ENTPD3: variants seen among roughly 807,000 people sequenced by gnomAD.
ENTPD3 encodes ectonucleoside triphosphate diphosphohydrolase 3.
In ENTPD3, 60 loss-of-function variants were observed where a neutral mutation model predicts 51.2. The observed-to-expected ratio is 1.17, with a 90% CI of 0.95 to 1.45. The LOEUF (loss-of-function observed/expected upper bound fraction) is 1.45. Among genes scored for constraint, ENTPD3 ranks in the 40% most tolerant of loss-of-function variants. The pLI is 0.00. For synonymous variants in ENTPD3, 221 were observed against 238.4 expected, an observed-to-expected ratio of 0.93 and a Z score of 0.67; for missense variants, 593 against 641.1, an observed-to-expected ratio of 0.93 and a Z score of 0.81.
Position 40,396,407 on chromosome 3 carries a change from C to G in ENTPD3, c.168+4257C>G, listed in dbSNP as rs553305150. 2.0e-5 allele frequency among the ~76,000 whole-genome samples: 3 copies of G among 152,148 alleles called. No homozygotes were observed. In the South Asian group the frequency reaches 6.2e-4, roughly 32 times the overall value. On this transcript the variant is annotated intron_variant, in intron 3 of 10. Coordinates refer to ENST00000301825, the MANE Select transcript of ENTPD3 (RefSeq NM_001248.4). ...TATACCATGAGCCCTGTTTTGCTTT[C>G]GTGTGCAGCTGACAGTTGGTTCTAA...
At position 40,422,840 on chromosome 3, in the gene ENTPD3, A is replaced by C. The variant is rs768167144; in HGVS notation, c.832-10A>C. Reference sequence around the variant, plus strand: ...CATACGTGTCTAACACCTTACTCTTATACCTACAGAATTCTCCTACCAAAA... The same window carrying C: ...CATACGTGTCTAACACCTTACTCTTCTACCTACAGAATTCTCCTACCAAAA... On this transcript the variant is annotated splice_polypyrimidine_tract_variant and intron_variant, in intron 7 of 10. Transcript: ENST00000301825. 1.2e-6 allele frequency: 2 copies of C among 1,607,108 alleles called. No homozygotes were observed. The highest frequency in any genetic ancestry group is 1.7e-6 in the Non-Finnish European group (2 of 1,178,630).
At chr3:40,426,540 C>T (rs1182679942) in intron 10 of ENTPD3, among the ~76,000 whole-genome samples, 1 of 151,976 alleles carries the variant, frequency 6.6e-6, no homozygotes, top group South Asian at 2.1e-4. Context: ...TGGACTAAAC[C>T]TACCAGTTAA....
At chr3:40,425,569 G>A (rs1441818963) in intron 10 of ENTPD3, among the ~76,000 whole-genome samples, 2 of 152,086 alleles carry the variant, frequency 1.3e-5, no homozygotes, top group African/African-American at 4.8e-5. Context: ...CAAAAACACT[G>A]GAAGTAAGAA....
At chr3:40,422,133 G>GTC (rs1483059639) in intron 7 of ENTPD3, among the ~76,000 whole-genome samples, 6 of 89,684 alleles carry the variant, frequency 6.7e-5, no homozygotes, top group African/African-American at 1.8e-4. Context: ...CGAGGTAATT[G>GTC]TCACACACAC....
chr3:40,425,263 C>T (rs1038213709), intron 10 of ENTPD3, among the ~76,000 whole-genome samples: 6 of 151,346 alleles, frequency 4.0e-5, no homozygotes, highest in Admixed American at 1.3e-4. Context: ...ACTAAAAATA[C>T]GAAATTAGCT....
chr3:40,401,142 T>C (rs1000832218), intron 4 of ENTPD3, 131 bp downstream of exon 4: 15 of 712,920 alleles, frequency 2.1e-5, no homozygotes, highest in South Asian at 8.4e-5. Context: ...AGTCAGGAAA[T>C]AGGAGATCGT....
rs1184765893 is a variant in ENTPD3 at position 40,416,067 on chromosome 3, C to T, written c.825C>T (p.Leu275=). 3 of 1,613,332 alleles carry T rather than the reference C, an allele frequency of 1.9e-6. No individual in the cohort carries two copies. Among genetic ancestry groups the T allele is most frequent in the African/African-American group, 2.7e-5 (2 of 75,016 alleles). The change falls in exon 7 of 11, where the codon CTC becomes CTT. Residue 275 remains leucine (L), a synonymous_variant. Transcript: ENST00000301825. ...NEAEKKFLAM[L]LQNSPTKNHL... ...CTGAGAAGAAGTTTCTGGCAATGCT[C>T]CTGCAGGTACTTGAGTCGGGGGTAG... is the stretch of plus-strand genomic sequence containing the variant.
At chr3:40,426,880 T>C (rs1312507914) in intron 10 of ENTPD3, among the ~76,000 whole-genome samples, 2 of 152,170 alleles carry the variant, frequency 1.3e-5, no homozygotes. Context: ...AAATTGACAG[T>C]CAGCTTCCCA....
chr3:40,392,110 T>C lies in ENTPD3; in HGVS notation c.128T>C (p.Ile43Thr). 1 of 1,614,194 alleles carries C rather than the reference T, an allele frequency of 6.2e-7. No homozygotes were observed. The highest frequency in any genetic ancestry group is 8.5e-7 in the Non-Finnish European group (1 of 1,180,036). ...SIVVLVSITV[I>T]QIHKQEVLPP... ...GTGGTACTTGTGAGTATCACTGTCA[T>C]CCAGATCCACAAGCAAGAGGTCCTC... Residue 43 changes from isoleucine to threonine, a missense_variant, in exon 3 of 11, where the codon ATC becomes ACC. Coordinates refer to ENST00000301825, the MANE Select transcript of ENTPD3 (RefSeq NM_001248.4).
chr3:40,409,902 T>C (rs1955590033), intron 4 of ENTPD3, among the ~76,000 whole-genome samples: 1 of 152,190 alleles, frequency 6.6e-6, no homozygotes, highest in Non-Finnish European at 1.5e-5. Context: ...GAGAAAAGTA[T>C]ATATAGTAAA....
chr3:40,387,985 C>A (rs2125584692), intron 1 of ENTPD3, 61 bp from the exon 2 acceptor site: 2 of 1,428,018 alleles, frequency 1.4e-6, no homozygotes, highest in Non-Finnish European at 2.0e-6. Context: ...TGGGCTCGTT[C>A]TTTAAACTTG....
Position 40,413,280 on chromosome 3 carries a change from A to G in ENTPD3, c.437+1318A>G, listed in dbSNP as rs138637649. Reference sequence around the variant, plus strand: ...TTTCAGACTGAATTTCCTATTTCAGAATACATTAGGATGCTGTTTACTCTC... The same window carrying G: ...TTTCAGACTGAATTTCCTATTTCAGGATACATTAGGATGCTGTTTACTCTC... On this transcript the variant is annotated intron_variant, in intron 5 of 10. Transcript: ENST00000301825. 4.2e-3 allele frequency among the ~76,000 whole-genome samples: 634 copies of G among 152,312 alleles called. 2 individuals are homozygous for G. The highest frequency in any genetic ancestry group is 0.014 in the African/African-American group (581 of 41,568).
rs1228236082 is a variant in ENTPD3, at chr3:40,420,266, T to C, written c.832-2584T>C. ...CTTTTTTTTTTTGGAGATGGAGTCT[T>C]GCTCTGTCACCCAGGCTGGAGTGCA... On this transcript the variant is annotated intron_variant, in intron 7 of 10. Transcript: ENST00000301825. Among the ~76,000 whole-genome samples the C allele has an allele frequency of 2.4e-5, 3 of 124,930 alleles. No homozygotes were observed. In the East Asian group the frequency reaches 6.1e-4, roughly 26 times the overall value. The allele number at this position is 124,930 out of a possible 152,430, so 82.0% of individuals were successfully genotyped here. A position where few individuals can be genotyped will look rare whatever the true frequency, so the allele number is the denominator to read the frequency against.
Position 40,427,791 on chromosome 3 carries a change from C to A in ENTPD3, c.*283C>A. 2.3e-6 allele frequency: 1 copy of A among 431,398 alleles called. No homozygotes were observed. 26.7% of individuals were successfully genotyped at this position (431,398 alleles called of 1,614,324 possible). A position where few individuals can be genotyped will look rare whatever the true frequency, so the allele number is the denominator to read the frequency against. On this transcript the variant is annotated 3_prime_UTR_variant, in exon 11 of 11. Transcript: ENST00000301825. ...GGTCAGGCTCTTTATATTAAGTTCC[C>A]CAGAGGAAGAGTAAGTTGAGAAGGT...
intron 10 of ENTPD3, among the ~76,000 whole-genome samples, chr3:40,425,507 A>G (rs1955964027): frequency 6.6e-6 from 1 of 152,160 alleles, no homozygotes; most frequent in Admixed American, 6.5e-5. Context: ...CAATGAAAAT[A>G]TTTTTGGTGG....
intron 7 of ENTPD3, among the ~76,000 whole-genome samples, chr3:40,419,453 G>A (rs919213241): frequency 6.6e-6 from 1 of 152,102 alleles, no homozygotes; most frequent in African/African-American, 2.4e-5. Context: ...CCAATATCAT[G>A]TTGTTCTACT....
intron 4 of ENTPD3, among the ~76,000 whole-genome samples, chr3:40,404,069 C>T (rs1269543014): frequency 6.6e-6 from 1 of 151,914 alleles, no homozygotes; most frequent in African/African-American, 2.4e-5. Flanking sequence ...TCCTCACCTT[C>T]AACCATGAAA....
intron 2 of ENTPD3, among the ~76,000 whole-genome samples, chr3:40,390,120 T>C (rs1260280467): frequency 6.6e-6 from 1 of 152,244 alleles, no homozygotes; most frequent in East Asian, 1.9e-4. Context: ...ATTCGATGAA[T>C]CTAGTGATCT....
intron 3 of ENTPD3, among the ~76,000 whole-genome samples, chr3:40,397,933 T>C (rs1443812320): frequency 6.6e-6 from 1 of 152,190 alleles, no homozygotes; most frequent in Non-Finnish European, 1.5e-5. Flanking sequence ...AACATCACCT[T>C]GCCAGCTGAA....
Sources: gnomAD v4.1 joint callset for allele counts (sites outside exome capture counted in the v4.1 genomes callset) on GRCh38, gnomAD v4.1.1 for gene constraint, MANE v1.5 for transcripts, NCBI Gene and HGNC (gene_info 2026-07-23, HGNC 2026-07-21) for gene names.